CP: variants seen among roughly 807,000 people sequenced by gnomAD.
The protein encoded by CP is ceruloplasmin.
In CP, 64 loss-of-function variants were observed where a neutral mutation model predicts 122.4. The ratio of observed to expected loss-of-function variants is 0.52; its 90% confidence interval spans 0.43 to 0.64. CP has a LOEUF of 0.64. Ranked by LOEUF, CP falls within the 30% of genes least tolerant of loss-of-function variation. The pLI is 0.00. For missense variants in CP, 1,167 were observed against 1,284.4 expected, an observed-to-expected ratio of 0.91 and a Z score of 1.40; for synonymous variants, 440 against 436.4, an observed-to-expected ratio of 1.01 and a Z score of -0.10.
chr3:149,195,766 T>C (rs565026198), intron 9 of CP, among the ~76,000 whole-genome samples: 1 of 151,292 alleles, frequency 6.6e-6, no homozygotes, highest in South Asian at 2.1e-4. Flanking sequence ...CTCAGGAGGC[T>C]GAGGCAGAAG....
At chr3:149,189,444 C>A (rs1726399151) in intron 9 of CP, among the ~76,000 whole-genome samples, 1 of 151,320 alleles carries the variant, frequency 6.6e-6, no homozygotes, top group Admixed American at 6.6e-5. Flanking sequence ...GTCCCAGCTA[C>A]TTGGGAGGCT....
At chr3:149,185,557 C>G (rs1008064193) in intron 11 of CP, 111 bp from the exon 12 acceptor site, 2 of 920,738 alleles carry the variant, frequency 2.2e-6, no homozygotes, top group African/African-American at 3.3e-5. Context: ...GGTGATCTAG[C>G]TTTCCACACC....
In CP at chr3:149,176,396, C is replaced by G. The variant is rs1345919055; in HGVS notation, c.3035G>C (p.Ser1012Thr). The change falls in exon 18 of 19, where the codon AGT becomes ACT. Residue 1012 changes from serine to threonine, a missense_variant. This residue lies in a region of CP where 525 missense variants were observed against 657.2 expected (regional missense o/e 0.80). Transcript: ENST00000264613. Reference protein sequence around the residue: ...SFQYKHRGVYSSDVFDIFPGT... With the variant: ...SFQYKHRGVYTSDVFDIFPGT... ...AGGGAAAATGTCAAAGACATCAGAA[C>G]TATAAACTCCCCTGTGCTTAATTAG... 1 of 1,610,558 alleles carries G rather than the reference C, an allele frequency of 6.2e-7. No individual in the cohort carries two copies. The highest frequency in any genetic ancestry group is 1.7e-5 in the Admixed American group (1 of 59,972).
intron 12 of CP, 34 bp downstream of exon 12, chr3:149,185,205 T>C (rs767153205): frequency 3.1e-6 from 5 of 1,607,054 alleles, no homozygotes; most frequent in Non-Finnish European, 4.3e-6. Flanking sequence ...CTAAAATTAC[T>C]GCTGAAATTG....
rs553085669 is a variant in CP, at chr3:149,209,058, C to T, written c.781+153G>A. Among the ~76,000 whole-genome samples the T allele has an allele frequency of 1.0e-3, 155 of 152,210 alleles. 1 individual carries two copies. Among genetic ancestry groups the T allele is most frequent in the African/African-American group, 3.6e-3 (148 of 41,532 alleles). Reference sequence around the variant, plus strand: ...GGCTTAGAGTTTTTATTCTGACTTACTTAGCTGAATATCAAATTGCACATC... The same window carrying T: ...GGCTTAGAGTTTTTATTCTGACTTATTTAGCTGAATATCAAATTGCACATC... On this transcript the variant is annotated intron_variant, in intron 4 of 18. Coordinates refer to ENST00000264613, the MANE Select transcript of CP (RefSeq NM_000096.4).
chr3:149,174,150 C>T (rs1183169720), intron 18 of CP, among the ~76,000 whole-genome samples: 1 of 152,100 alleles, frequency 6.6e-6, no homozygotes, highest in Non-Finnish European at 1.5e-5. Flanking sequence ...TAGACAAACT[C>T]AAATTGAAGG....
At chr3:149,179,793 T>C (rs1725663276) in intron 14 of CP, 131 bp from the exon 15 acceptor site, 1 of 683,396 alleles carries the variant, frequency 1.5e-6, no homozygotes, top group Admixed American at 2.4e-5. Flanking sequence ...GTCAGTGTAA[T>C]TAGTTTTTAA....
chr3:149,215,878 C>T (rs936224510), intron 1 of CP, among the ~76,000 whole-genome samples: 1 of 152,108 alleles, frequency 6.6e-6, no homozygotes, highest in Non-Finnish European at 1.5e-5. Flanking sequence ...CTCTTTTTAG[C>T]CCCTTATTTA....
intron 7 of CP, 109 bp from the exon 8 acceptor site, chr3:149,199,973 C>G: frequency 8.8e-7 from 1 of 1,142,252 alleles, no homozygotes; most frequent in Non-Finnish European, 1.3e-6. Context: ...CTAGGAGCAA[C>G]ACGCTTATTT....
chr3:149,195,727 G>C (rs559506919), intron 9 of CP, among the ~76,000 whole-genome samples: 4 of 152,074 alleles, frequency 2.6e-5, no homozygotes, highest in Non-Finnish European at 5.9e-5. Context: ...TTAGCTGGGC[G>C]TGGTGGCGGG....
rs148041351 is a variant in CP at position 149,212,544 on chromosome 3, T to C, written c.301A>G (p.Thr101Ala). Residue 101 changes from threonine (T) to alanine (A), a missense_variant, in exon 2 of 19, where the codon ACT (threonine) becomes GCT (alanine). Thr to Ala is a moderately conservative substitution (Grantham distance 58). Around this residue, in one of 2 missense-constraint regions of CP, gnomAD observed 642 missense variants for 627.3 expected, o/e 1.02. Transcript: ENST00000264613. ...AAGTGTACATAAACTTTATCTCCAG[T>C]TTCAGCTTTGATAATAGGGCCTAAA... is the stretch of plus-strand genomic sequence containing the variant. ...GFLGPIIKAE[T>A]GDKVYVHLKN... The C allele has an allele frequency of 7.8e-5, 126 of 1,614,056 alleles. No individual in the cohort carries two copies. In the African/African-American group the frequency reaches 7.9e-4, roughly 10 times the overall value.
In CP at chr3:149,187,170, A is replaced by T. The variant is rs765715080; in HGVS notation, c.1865-438T>A. On this transcript the variant is annotated intron_variant, in intron 10 of 18. Coordinates refer to ENST00000264613, the MANE Select transcript of CP (RefSeq NM_000096.4). ...TTCATCTTGAATAACAGGAAAGGTC[A>T]TATGTAGGAGGTTTTTTCTTTATCT... Among the ~76,000 whole-genome samples the T allele has an allele frequency of 2.0e-5, 3 of 152,320 alleles. No individual in the cohort carries two copies. The South Asian group carries it at 6.2e-4, about 32-fold the overall frequency.
Position 149,212,542 on chromosome 3 carries a change from A to T in CP, c.303T>A (p.Thr101=). 4 of 1,614,060 alleles carry T rather than the reference A, an allele frequency of 2.5e-6. No individual in the cohort carries two copies. Among genetic ancestry groups the T allele is most frequent in the Non-Finnish European group, 3.4e-6 (4 of 1,179,976 alleles). The change falls in exon 2 of 19, where the codon ACT becomes ACA. Residue 101 remains threonine (T), a synonymous_variant. Transcript: ENST00000264613. ...TTAAGTGTACATAAACTTTATCTCC[A>T]GTTTCAGCTTTGATAATAGGGCCTA... is the stretch of plus-strand genomic sequence containing the variant. ...GFLGPIIKAE[T]GDKVYVHLKN...
At chr3:149,207,026 A>G (rs1727774145) in intron 5 of CP, among the ~76,000 whole-genome samples, 1 of 152,192 alleles carries the variant, frequency 6.6e-6, no homozygotes, top group African/African-American at 2.4e-5. Context: ...CTTGACAGAA[A>G]TAAGTCGAAA....
intron 13 of CP, 46 bp from the exon 14 acceptor site, chr3:149,182,179 T>A: frequency 6.2e-7 from 1 of 1,609,340 alleles, no homozygotes; most frequent in Non-Finnish European, 8.5e-7. Flanking sequence ...AGGTCTAACT[T>A]AGTAATAAAA....
chr3:149,165,373 T>C (rs1038991522), intron 5 of CP, among the ~76,000 whole-genome samples: 1 of 152,210 alleles, frequency 6.6e-6, no homozygotes, highest in South Asian at 2.1e-4. Context: ...AAATTTGTTT[T>C]AAAATATTTT....
intron 5 of CP, chr3:149,163,727 A>G (rs1039595054): frequency 9.1e-6 from 6 of 661,904 alleles, no homozygotes; most frequent in Admixed American, 5.2e-5. Context: ...CCAGGAAAGT[A>G]TATACCTAAT....
At chr3:149,215,007 G>A (rs1576786611) in intron 1 of CP, among the ~76,000 whole-genome samples, 1 of 152,116 alleles carries the variant, frequency 6.6e-6, no homozygotes, top group East Asian at 1.9e-4. Context: ...ACTTGTCTAA[G>A]CCCCAGGGTA....
At chr3:149,213,631 GGTGTGTGTGTGTGTGTGT>G (rs71135672) in intron 1 of CP, among the ~76,000 whole-genome samples, 4 of 143,750 alleles carry the variant, frequency 2.8e-5, no homozygotes, top group East Asian at 2.0e-4. Context: ...CATCATCATG[GGTGTGTGTGTGTGTGTGT>G]GTGTGTGTGT....
Sources: allele counts gnomAD v4.1 joint callset (sites outside exome capture counted in the v4.1 genomes callset), GRCh38; gene constraint gnomAD v4.1.1; regional missense constraint gnomAD v4.1.1; transcripts MANE v1.5; gene names NCBI Gene and HGNC (gene_info 2026-07-23, HGNC 2026-07-21).